RAD51B: variants seen among roughly 807,000 people sequenced by gnomAD.
RAD51B encodes the protein RAD51 paralog B.
A neutral mutation model predicts 42.2 loss-of-function variants in RAD51B; 38 were observed. That is an observed-to-expected ratio of 0.90 (90% CI 0.70 to 1.18). The LOEUF (loss-of-function observed/expected upper bound fraction) is 1.18. Ranked by LOEUF, RAD51B falls within the 50% of genes most tolerant of loss-of-function variation. RAD51B has a pLI of 0.00. For missense variants in RAD51B, 373 were observed against 400.7 expected, an observed-to-expected ratio of 0.93 and a Z score of 0.59; for synonymous variants, 154 against 145.2, an observed-to-expected ratio of 1.06 and a Z score of -0.43.
At chr14:67,851,540 C>A (rs577882450) in intron 4 of RAD51B, among the ~76,000 whole-genome samples, 1 of 152,144 alleles carries the variant, frequency 6.6e-6, no homozygotes, top group East Asian at 1.9e-4. Context: ...GCATTCTGGC[C>A]ACCTCTCTGA....
chr14:68,262,079 G>C (rs562304258), intron 7 of RAD51B, among the ~76,000 whole-genome samples: 3 of 152,282 alleles, frequency 2.0e-5, no homozygotes, highest in African/African-American at 4.8e-5. Flanking sequence ...TTTTTCCCTA[G>C]AGTACCTTCA....
chr14:68,400,168 C>T (rs2084057485), intron 8 of RAD51B, among the ~76,000 whole-genome samples: 1 of 152,174 alleles, frequency 6.6e-6, no homozygotes, highest in African/African-American at 2.4e-5. Flanking sequence ...TGAAGGCAAA[C>T]CACATGACTG....
downstream of RAD51B, among the ~76,000 whole-genome samples, chr14:68,479,914 C>T: frequency 6.6e-6 from 1 of 152,076 alleles, no homozygotes; most frequent in East Asian, 1.9e-4. Context: ...AGTGATCTTC[C>T]AGGCTCAAGC....
intron 7 of RAD51B, among the ~76,000 whole-genome samples, chr14:68,017,743 C>G (rs1240898846): frequency 6.6e-6 from 1 of 151,856 alleles, no homozygotes; most frequent in Non-Finnish European, 1.5e-5. Context: ...GAGGCCAAGG[C>G]AGGCAGATCA....
At chr14:68,617,758 G>A (rs1891855096) in intron 10 of RAD51B, among the ~76,000 whole-genome samples, 1 of 152,194 alleles carries the variant, frequency 6.6e-6, no homozygotes, top group African/African-American at 2.4e-5. Context: ...TCTGCACTGT[G>A]TGTTGTACAA....
At chr14:68,385,846 A>G (rs2083583600) in intron 8 of RAD51B, among the ~76,000 whole-genome samples, 1 of 152,230 alleles carries the variant, frequency 6.6e-6, no homozygotes, top group African/African-American at 2.4e-5. Flanking sequence ...CTAGGCATTT[A>G]ACATATGCAA....
intron 11 of RAD51B, among the ~76,000 whole-genome samples, chr14:68,661,205 T>C (rs1244399019): frequency 6.6e-6 from 1 of 152,188 alleles, no homozygotes; most frequent in East Asian, 1.9e-4. Context: ...TTTGTGCTCC[T>C]TGCAAGGAAA....
At chr14:68,443,946 T>G (rs1375950231) in intron 9 of RAD51B, among the ~76,000 whole-genome samples, 1 of 152,248 alleles carries the variant, frequency 6.6e-6, no homozygotes, top group Non-Finnish European at 1.5e-5. Context: ...ATAGTAGTGC[T>G]AGGTACCTTT....
At chr14:68,169,687 G>A (rs1233983056) in intron 7 of RAD51B, among the ~76,000 whole-genome samples, 2 of 152,160 alleles carry the variant, frequency 1.3e-5, no homozygotes, top group Admixed American at 1.3e-4. Flanking sequence ...GAGGCAGTTA[G>A]TGATGCACAT....
intron 10 of RAD51B, among the ~76,000 whole-genome samples, chr14:68,557,249 G>C (rs919937195): frequency 6.6e-6 from 1 of 152,146 alleles, no homozygotes; most frequent in African/African-American, 2.4e-5. Context: ...AGTTGAAAAT[G>C]CATTTAATTC....
intron 7 of RAD51B, among the ~76,000 whole-genome samples, chr14:68,230,181 T>C (rs2080118556): frequency 6.6e-6 from 1 of 152,152 alleles, no homozygotes; most frequent in African/African-American, 2.4e-5. Flanking sequence ...CAGTGTAATG[T>C]GGATTATATA....
At chr14:68,163,865 C>A (rs2078697036) in intron 7 of RAD51B, among the ~76,000 whole-genome samples, 2 of 152,076 alleles carry the variant, frequency 1.3e-5, no homozygotes, top group African/African-American at 4.8e-5. Context: ...AATGCAAGTT[C>A]CTTTGTCACA....
intron 7 of RAD51B, among the ~76,000 whole-genome samples, chr14:68,007,587 A>G (rs989216584): frequency 6.6e-6 from 1 of 151,884 alleles, no homozygotes; most frequent in Non-Finnish European, 1.5e-5. Flanking sequence ...CATGGTTTTG[A>G]TTTTCATTTT....
chr14:68,514,569 C>T (rs992107225), intron 10 of RAD51B, among the ~76,000 whole-genome samples: 1 of 152,170 alleles, frequency 6.6e-6, no homozygotes, highest in African/African-American at 2.4e-5. Context: ...CAGAGAGGGG[C>T]TCCCAGGCAG....
At chr14:67,921,866 G>A (rs1315837314) in intron 7 of RAD51B, among the ~76,000 whole-genome samples, 1 of 152,094 alleles carries the variant, frequency 6.6e-6, no homozygotes, top group South Asian at 2.1e-4. Context: ...GAATTAGCGT[G>A]GCCCCTGTTT....
At chr14:68,151,135 G>T (rs1195858517) in intron 7 of RAD51B, among the ~76,000 whole-genome samples, 2 of 151,718 alleles carry the variant, frequency 1.3e-5, no homozygotes, top group Non-Finnish European at 2.9e-5. Flanking sequence ...TATCTGAGAG[G>T]TCTTTATTTT....
At chr14:67,966,986 C>T (rs961787837) in intron 7 of RAD51B, among the ~76,000 whole-genome samples, 9 of 152,120 alleles carry the variant, frequency 5.9e-5, no homozygotes, top group African/African-American at 1.2e-4. Context: ...AAGACATACC[C>T]GAGACTGGGA....
intron 7 of RAD51B, among the ~76,000 whole-genome samples, chr14:67,984,478 C>T (rs1368984471): frequency 1.3e-5 from 2 of 152,122 alleles, no homozygotes; most frequent in Non-Finnish European, 2.9e-5. Context: ...TATTCAAGAC[C>T]TTTCACAGTT....
intron 10 of RAD51B, among the ~76,000 whole-genome samples, chr14:68,646,868 C>A (rs557977375): frequency 6.6e-5 from 10 of 152,266 alleles, no homozygotes; most frequent in African/African-American, 1.9e-4. Flanking sequence ...TAGCCTTATA[C>A]ATAAAGAAAA....
Sources: gnomAD v4.1 joint callset for allele counts (sites outside exome capture counted in the v4.1 genomes callset) on GRCh38, gnomAD v4.1.1 for gene constraint, MANE v1.5 for transcripts, NCBI Gene and HGNC (gene_info 2026-07-23, HGNC 2026-07-21) for gene names.